The following PSAP variants were observed in gnomAD, a reference collection of about 807,000 sequenced individuals.
PSAP encodes prosaposin.
PSAP carries 25 observed loss-of-function variants against 66.0 expected under a neutral mutation model. That is an observed-to-expected ratio of 0.38 (90% CI 0.28 to 0.53). PSAP has a LOEUF of 0.53. Ranked by LOEUF, PSAP falls within the 20% of genes least tolerant of loss-of-function variation. PSAP has a pLI of 0.83. For synonymous variants in PSAP, 273 were observed against 258.9 expected (o/e 1.05, Z -0.52); for missense variants, 649 against 668.8 (o/e 0.97, Z 0.33).
chr10:71,848,638 T>C (rs1394331243), intron 1 of PSAP, among the ~76,000 whole-genome samples: 2 of 152,150 alleles, frequency 1.3e-5, no homozygotes, highest in Non-Finnish European at 1.5e-5. Flanking sequence ...CCCATCCCGA[T>C]TCAGGGTGGC....
At chr10:71,845,065 C>G (rs978464914) in intron 1 of PSAP, among the ~76,000 whole-genome samples, 1 of 152,080 alleles carries the variant, frequency 6.6e-6, no homozygotes, top group Non-Finnish European at 1.5e-5. Flanking sequence ...AATTTATAAA[C>G]TAAACTTTAT....
chr10:71,837,354 T>C (rs924998115), intron 1 of PSAP, among the ~76,000 whole-genome samples: 1 of 152,000 alleles, frequency 6.6e-6, no homozygotes. Flanking sequence ...CGCCAAGAGG[T>C]GCAAAGCCCA....
chr10:71,818,385 C>A (rs1213819985), intron 13 of PSAP, among the ~76,000 whole-genome samples: 2 of 151,976 alleles, frequency 1.3e-5, no homozygotes, highest in Non-Finnish European at 2.9e-5. Context: ...CAAAAAAATA[C>A]TAAAAAAAAT....
chr10:71,820,021 A>G, intron 9 of PSAP, 121 bp from the exon 10 acceptor site: 1 of 998,122 alleles, frequency 1.0e-6, no homozygotes, highest in East Asian at 2.6e-5. Context: ...CCACCCACAA[A>G]AAACTACCAA....
intron 2 of PSAP, among the ~76,000 whole-genome samples, chr10:71,833,969 G>A (rs1293053973): frequency 6.6e-6 from 1 of 152,208 alleles, no homozygotes; most frequent in Non-Finnish European, 1.5e-5. Flanking sequence ...TTTTTGGAGT[G>A]AGTGACCAAG....
chr10:71,822,225 C>A, intron 7 of PSAP: 1 of 614,550 alleles, frequency 1.6e-6, no homozygotes, highest in South Asian at 1.8e-5. Flanking sequence ...GGGAGGAGAC[C>A]ACACAAAGCT....
At chr10:71,849,623 C>A (rs1842887678) in intron 1 of PSAP, among the ~76,000 whole-genome samples, 1 of 151,020 alleles carries the variant, frequency 6.6e-6, no homozygotes, top group Non-Finnish European at 1.5e-5. Flanking sequence ...AACAAACAAA[C>A]AAAACAAACA....
Position 71,816,609 on chromosome 10 carries a change from C to T in PSAP, c.*832G>A, listed in dbSNP as rs1202269611. On this transcript the variant is annotated 3_prime_UTR_variant, in exon 14 of 14. Coordinates refer to ENST00000394936, the MANE Select transcript of PSAP (RefSeq NM_002778.4). ...GCATCTATGAGACAAGGGAGGGGTG[C>T]AGGCTGAAGCAGCGCCTCAACAGCC... is the stretch of plus-strand genomic sequence containing the variant. 2.1e-5 allele frequency: 8 copies of T among 388,192 alleles called. No individual in the cohort carries two copies. In the East Asian group the frequency reaches 4.5e-4, roughly 22 times the overall value. The allele number at this position is 388,192 out of a possible 1,614,324, so 24.0% of individuals were successfully genotyped here.
chr10:71,850,398 A>C (rs1382341149), intron 1 of PSAP, among the ~76,000 whole-genome samples: 1 of 149,728 alleles, frequency 6.7e-6, no homozygotes, highest in Non-Finnish European at 1.5e-5. Flanking sequence ...TATCAACTAG[A>C]AAATGTTTAA....
chr10:71,838,224 G>C (rs1008272023), intron 1 of PSAP, among the ~76,000 whole-genome samples: 10 of 152,238 alleles, frequency 6.6e-5, no homozygotes, highest in African/African-American at 1.9e-4. Flanking sequence ...GAACAAGATG[G>C]GCAAATGGCA....
chr10:71,826,370 C>T (rs763637391), intron 6 of PSAP, among the ~76,000 whole-genome samples: 7 of 152,212 alleles, frequency 4.6e-5, no homozygotes, highest in Non-Finnish European at 8.8e-5. Context: ...AATCTAGATA[C>T]TTCCAGTAGA....
In PSAP at chr10:71,828,976, G is replaced by A; in HGVS notation, c.477C>T (p.Ile159=). The part of the protein sequence containing the change: ...NHQKQLESNK[I]PELDMTEVVA... ...CCACCTCAGTCATGTCCAGCTCTGG[G>A]ATCTTATTGGACTCCAGCTGCTTCT... is the stretch of plus-strand genomic sequence containing the variant. Residue 159 remains isoleucine, a synonymous_variant, in exon 5 of 14, where the codon ATC becomes ATT. Transcript: ENST00000394936. 1.9e-6 allele frequency: 3 copies of A among 1,614,166 alleles called. No individual in the cohort carries two copies. The highest frequency in any genetic ancestry group is 2.5e-6 in the Non-Finnish European group (3 of 1,180,032).
intron 1 of PSAP, among the ~76,000 whole-genome samples, chr10:71,845,821 G>A (rs1842811991): frequency 6.6e-6 from 1 of 152,136 alleles, no homozygotes; most frequent in African/African-American, 2.4e-5. Context: ...AGATCCCCTG[G>A]CAGCTAAACC....
In PSAP at chr10:71,847,238, T is replaced by A. The variant is rs1251318610; in HGVS notation, c.40+3944A>T. ...GGGAGGCCGAGGCAGGCGGATTACT[T>A]GAGGTCAGGAGTTCAAGACCAGCCT... On this transcript the variant is annotated intron_variant, in intron 1 of 13. Coordinates refer to ENST00000394936, the MANE Select transcript of PSAP (RefSeq NM_002778.4). Among the ~76,000 whole-genome samples the A allele has an allele frequency of 2.6e-5, 4 of 152,126 alleles. No individual in the cohort carries two copies. In the East Asian group the frequency reaches 7.7e-4, roughly 29 times the overall value.
At chr10:71,823,837 A>G (rs1842349944) in intron 7 of PSAP, 2 of 1,252,424 alleles carry the variant, frequency 1.6e-6, no homozygotes, top group Non-Finnish European at 2.1e-6. Context: ...AAAGCAAAGT[A>G]ACTAGAGGAA....
At chr10:71,831,374 G>A (rs1842512825) in intron 3 of PSAP, 123 bp from the exon 4 acceptor site, 5 of 1,312,782 alleles carry the variant, frequency 3.8e-6, no homozygotes, top group Non-Finnish European at 5.3e-6. Flanking sequence ...CCAGCCCTCA[G>A]GGAAAAGGAC....
chr10:71,817,359 G>T lies in PSAP; in HGVS notation c.*82C>A. ...CCTATTTTTATAACAAAGTCAAACA[G>T]ATCTGTGCGTTCATTCCCCCAGACA... On this transcript the variant is annotated 3_prime_UTR_variant, in exon 14 of 14. Coordinates refer to ENST00000394936, the MANE Select transcript of PSAP (RefSeq NM_002778.4). 1 of 1,420,800 alleles carries T rather than the reference G, an allele frequency of 7.0e-7. No individual in the cohort carries two copies. Among genetic ancestry groups the T allele is most frequent in the Non-Finnish European group, 1.0e-6 (1 of 1,004,114 alleles). The allele number at this position is 1,420,800 out of a possible 1,614,324, so 88.0% of individuals were successfully genotyped here.
chr10:71,827,404 A>AG (rs1342278225), intron 6 of PSAP, among the ~76,000 whole-genome samples: 1 of 112,734 alleles, frequency 8.9e-6, no homozygotes, highest in Non-Finnish European at 2.0e-5. Flanking sequence ...GTCTCAAAAA[A>AG]GAAAAAAAAA....
At chr10:71,822,686 G>A (rs1301287988) in intron 7 of PSAP, 1 of 471,462 alleles carries the variant, frequency 2.1e-6, no homozygotes, top group Non-Finnish European at 4.4e-6. Context: ...GGCCAAGAGT[G>A]AGACAAGTGT....
Sources: gnomAD v4.1 joint callset for allele counts (sites outside exome capture counted in the v4.1 genomes callset) on GRCh38, gnomAD v4.1.1 for gene constraint, MANE v1.5 for transcripts, NCBI Gene and HGNC (gene_info 2026-07-23, HGNC 2026-07-21) for gene names.